Variants in GRM7 observed in about 807,000 individuals in gnomAD.
GRM7 encodes metabotropic glutamate receptor 7.
Under a neutral mutation model 84.5 loss-of-function variants are expected in GRM7, and 35 were observed. The observed-to-expected ratio is 0.41, with a 90% CI of 0.32 to 0.55. The LOEUF (loss-of-function observed/expected upper bound fraction) is 0.55, where lower values mean the gene tolerates loss of function less well. Ranked by LOEUF, GRM7 falls within the 20% of genes least tolerant of loss-of-function variation. The probability of loss-of-function intolerance (pLI) is 0.19; values close to 1 mark genes in which losing one functional copy is unlikely to be tolerated. For synonymous variants in GRM7, 487 were observed against 455.1 expected (o/e 1.07, Z -0.89); for missense variants, 1,003 against 1,194.6 (o/e 0.84, Z 2.36).
At chr3:7,495,335 C>G (rs1238906122) in intron 7 of GRM7, among the ~76,000 whole-genome samples, 1 of 152,052 alleles carries the variant, frequency 6.6e-6, no homozygotes, top group East Asian at 1.9e-4. Flanking sequence ...CCTGGTTTCT[C>G]TAGGTAATGG....
At chr3:7,372,111 A>T (rs2125118912) in intron 4 of GRM7, among the ~76,000 whole-genome samples, 1 of 152,120 alleles carries the variant, frequency 6.6e-6, no homozygotes. Flanking sequence ...AAGTTATGGA[A>T]GTAGGGCGGG....
chr3:6,938,020 T>C (rs148750428), intron 1 of GRM7, among the ~76,000 whole-genome samples: 135 of 152,324 alleles, frequency 8.9e-4, no homozygotes, highest in African/African-American at 3.1e-3. Context: ...TTGGCTATGA[T>C]GACACAATTA....
At chr3:7,645,344 T>G (rs138161649) in intron 8 of GRM7, among the ~76,000 whole-genome samples, 1,803 of 151,732 alleles carry the variant, frequency 0.012, 40 homozygotes, top group African/African-American at 0.042. Context: ...GTCAGGAGAT[T>G]GAGACCATCC....
At chr3:7,338,505 A>G (rs1042821730) in intron 4 of GRM7, among the ~76,000 whole-genome samples, 2 of 152,014 alleles carry the variant, frequency 1.3e-5, no homozygotes, top group African/African-American at 4.8e-5. Context: ...TAAAAATAAA[A>G]TAAAAATTAA....
chr3:7,029,328 C>CAAACAAAAAAAAAAAAAAA (rs1559394068), intron 1 of GRM7, among the ~76,000 whole-genome samples: 13 of 140,000 alleles, frequency 9.3e-5, no homozygotes, highest in East Asian at 4.2e-4. Context: ...AAAAAAAAAA[C>CAAACAAAAAAAAAAAAAAA]AAACAAAAAA....
At chr3:7,499,160 T>C (rs1441689573) in intron 7 of GRM7, among the ~76,000 whole-genome samples, 1 of 152,152 alleles carries the variant, frequency 6.6e-6, no homozygotes, top group East Asian at 1.9e-4. Flanking sequence ...TATCTCTAAC[T>C]TCCCATAGAT....
intron 8 of GRM7, among the ~76,000 whole-genome samples, chr3:7,644,405 T>C (rs568172917): frequency 1.3e-5 from 2 of 152,132 alleles, no homozygotes; most frequent in South Asian, 4.1e-4. Flanking sequence ...TAGTTAGTTT[T>C]AACGGCACAG....
At chr3:7,667,190 C>G (rs1039160415) in intron 8 of GRM7, among the ~76,000 whole-genome samples, 1 of 151,160 alleles carries the variant, frequency 6.6e-6, no homozygotes, top group African/African-American at 2.4e-5. Context: ...ACTACTTGAG[C>G]CCAAAAGTTC....
intron 1 of GRM7, among the ~76,000 whole-genome samples, chr3:7,044,983 T>C (rs1281385875): frequency 6.6e-6 from 1 of 152,206 alleles, no homozygotes. Context: ...TCTATTCTGT[T>C]GACATGTACT....
At chr3:7,009,179 A>G (rs2124890932) in intron 1 of GRM7, among the ~76,000 whole-genome samples, 1 of 152,312 alleles carries the variant, frequency 6.6e-6, no homozygotes, top group African/African-American at 2.4e-5. Flanking sequence ...CTGGTGCCTA[A>G]ACTTCTTCTC....
At chr3:7,031,061 T>C (rs1437441846) in intron 1 of GRM7, among the ~76,000 whole-genome samples, 1 of 152,204 alleles carries the variant, frequency 6.6e-6, no homozygotes, top group Non-Finnish European at 1.5e-5. Flanking sequence ...TCATAAACAC[T>C]ATCACATTAT....
At chr3:7,121,242 A>C (rs1238882158) in intron 1 of GRM7, among the ~76,000 whole-genome samples, 1 of 152,172 alleles carries the variant, frequency 6.6e-6, no homozygotes, top group Non-Finnish European at 1.5e-5. Context: ...CTTTAGTCCC[A>C]TATTCACTGA....
chr3:6,867,473 C>T (rs2124935227), intron 1 of GRM7, among the ~76,000 whole-genome samples: 1 of 152,196 alleles, frequency 6.6e-6, no homozygotes, highest in South Asian at 2.1e-4. Context: ...TATCTGAAAG[C>T]TTTGGAACCA....
intron 1 of GRM7, among the ~76,000 whole-genome samples, chr3:7,045,884 G>A (rs1229153372): frequency 6.6e-6 from 1 of 152,026 alleles, no homozygotes; most frequent in Non-Finnish European, 1.5e-5. Flanking sequence ...CATTTTCTAT[G>A]GATATATACC....
chr3:7,588,086 T>C (rs1695604989), intron 8 of GRM7, among the ~76,000 whole-genome samples: 2 of 152,184 alleles, frequency 1.3e-5, no homozygotes, highest in South Asian at 4.2e-4. Context: ...ATAATGGATG[T>C]ATATTATGGG....
At chr3:7,377,084 A>G (rs1388188772) in intron 4 of GRM7, among the ~76,000 whole-genome samples, 1 of 152,238 alleles carries the variant, frequency 6.6e-6, no homozygotes, top group Non-Finnish European at 1.5e-5. Context: ...AAACATGAAG[A>G]TGTCAGATGC....
intron 4 of GRM7, among the ~76,000 whole-genome samples, chr3:7,403,777 G>A (rs1048200670): frequency 6.6e-6 from 1 of 150,748 alleles, no homozygotes; most frequent in African/African-American, 2.4e-5. Context: ...GAATATACAT[G>A]TGTATATATG....
chr3:7,173,656 T>C (rs1387176106), intron 2 of GRM7, among the ~76,000 whole-genome samples: 2 of 152,136 alleles, frequency 1.3e-5, no homozygotes, highest in Non-Finnish European at 2.9e-5. Flanking sequence ...TCTAGACTCA[T>C]GGTTCAAACA....
chr3:7,455,198 A>G (rs1307485259), intron 6 of GRM7, among the ~76,000 whole-genome samples: 2 of 152,180 alleles, frequency 1.3e-5, no homozygotes, highest in Non-Finnish European at 2.9e-5. Context: ...CTAATTAAAC[A>G]AATACAAGAG....
Sources: gnomAD v4.1 joint callset for allele counts (sites outside exome capture counted in the v4.1 genomes callset) on GRCh38, gnomAD v4.1.1 for gene constraint, MANE v1.5 for transcripts, NCBI Gene and HGNC (gene_info 2026-07-23, HGNC 2026-07-21) for gene names.